SEMA3E: variants seen among roughly 807,000 people sequenced by gnomAD.
The protein encoded by SEMA3E is semaphorin 3E.
In SEMA3E, 49 loss-of-function variants were observed where a neutral mutation model predicts 93.6. The ratio of observed to expected loss-of-function variants is 0.52; its 90% confidence interval spans 0.42 to 0.66. The LOEUF (loss-of-function observed/expected upper bound fraction) is 0.66, where lower values mean the gene tolerates loss of function less well. Ranked by LOEUF, SEMA3E falls within the 30% of genes least tolerant of loss-of-function variation. SEMA3E has a pLI of 0.00. For missense variants in SEMA3E, 906 were observed against 964.8 expected, an observed-to-expected ratio of 0.94 and a Z score of 0.81; for synonymous variants, 363 against 330.7, an observed-to-expected ratio of 1.10 and a Z score of -1.06.
intron 6 of SEMA3E, among the ~76,000 whole-genome samples, chr7:83,407,846 G>A (rs2115652204): frequency 6.6e-6 from 1 of 152,188 alleles, no homozygotes; most frequent in Non-Finnish European, 1.5e-5. Flanking sequence ...AATGTGGAAA[G>A]TAATTAAAAT....
At chr7:83,563,323 A>G (rs1045598896) in intron 1 of SEMA3E, among the ~76,000 whole-genome samples, 1 of 152,236 alleles carries the variant, frequency 6.6e-6, no homozygotes, top group East Asian at 1.9e-4. Flanking sequence ...TCAACAAAAT[A>G]CATTTCTCTG....
intron 1 of SEMA3E, among the ~76,000 whole-genome samples, chr7:83,629,202 G>T (rs1010445404): frequency 6.6e-6 from 1 of 152,190 alleles, no homozygotes; most frequent in Admixed American, 6.5e-5. Flanking sequence ...AGGGGCACCT[G>T]CCAGTTGCTA....
chr7:83,393,410 C>T (rs1788058337), intron 13 of SEMA3E, among the ~76,000 whole-genome samples: 1 of 152,076 alleles, frequency 6.6e-6, no homozygotes, highest in Non-Finnish European at 1.5e-5. Flanking sequence ...TGCCTGTGGT[C>T]TCAGCTACTC....
At chr7:83,499,937 C>T (rs921875993) in intron 1 of SEMA3E, among the ~76,000 whole-genome samples, 2 of 152,290 alleles carry the variant, frequency 1.3e-5, no homozygotes, top group Non-Finnish European at 1.5e-5. Context: ...GTCCTATGCA[C>T]TCCTATTCAA....
At chr7:83,599,215 C>T (rs1479127895) in intron 1 of SEMA3E, among the ~76,000 whole-genome samples, 1 of 152,126 alleles carries the variant, frequency 6.6e-6, no homozygotes, top group Non-Finnish European at 1.5e-5. Flanking sequence ...TTAATACTTT[C>T]CATTTCTAAC....
rs550866982 is a variant in SEMA3E, at chr7:83,521,714, G to C, written c.116-31440C>G. On this transcript the variant is annotated intron_variant, in intron 1 of 16. Transcript: ENST00000643230. ...GCTGTCTTCTGGTGTTGTCCTCATG[G>C]GGAACAGAGAAAGTGTCTGGTGTTG... 2.6e-5 allele frequency among the ~76,000 whole-genome samples: 4 copies of C among 152,008 alleles called. 1 individual carries two copies. In the East Asian group the frequency reaches 5.8e-4, roughly 22 times the overall value.
At chr7:83,372,146 A>C in intron 16 of SEMA3E, 1 of 396,394 alleles carries the variant, frequency 2.5e-6, no homozygotes, top group South Asian at 1.3e-4. Context: ...ATATCCATAC[A>C]GACATATCCA....
At chr7:83,371,905 T>G (rs1175142575) in intron 16 of SEMA3E, 2 of 178,396 alleles carry the variant, frequency 1.1e-5, no homozygotes, top group African/African-American at 4.7e-5. Context: ...TGCTTCTTTT[T>G]GTAACACAAT....
At chr7:83,481,725 C>T (rs1417072200) in intron 2 of SEMA3E, among the ~76,000 whole-genome samples, 1 of 152,074 alleles carries the variant, frequency 6.6e-6, no homozygotes, top group Non-Finnish European at 1.5e-5. Context: ...CTGGGAAATG[C>T]AGTGAGTTAA....
chr7:83,481,749 C>A (rs1790150129), intron 2 of SEMA3E, among the ~76,000 whole-genome samples: 1 of 152,060 alleles, frequency 6.6e-6, no homozygotes. Context: ...ATTTAGAAAG[C>A]AAAGCCATTA....
At chr7:83,507,741 C>T (rs7781032) in intron 1 of SEMA3E, among the ~76,000 whole-genome samples, 10,716 of 151,432 alleles carry the variant, frequency 0.071, 1,275 homozygotes, top group African/African-American at 0.24. Flanking sequence ...AGTTCCAGAC[C>T]AGCTTGGGCA....
intron 4 of SEMA3E, among the ~76,000 whole-genome samples, chr7:83,422,091 C>T (rs1788678362): frequency 6.6e-6 from 1 of 152,150 alleles, no homozygotes; most frequent in Non-Finnish European, 1.5e-5. Flanking sequence ...ACAGGAGAAT[C>T]GCTTGAACCT....
At chr7:83,396,457 T>C (rs1469773590) in intron 12 of SEMA3E, among the ~76,000 whole-genome samples, 181 bp downstream of exon 12, 1 of 152,122 alleles carries the variant, frequency 6.6e-6, no homozygotes, top group African/African-American at 2.4e-5. Flanking sequence ...GATCTCTCAG[T>C]TGAAACGTCT....
intron 1 of SEMA3E, among the ~76,000 whole-genome samples, chr7:83,502,641 G>T (rs1274089619): frequency 6.6e-6 from 1 of 152,128 alleles, no homozygotes; most frequent in Non-Finnish European, 1.5e-5. Flanking sequence ...TTCCAACCAG[G>T]CATTCTAAGT....
chr7:83,487,107 C>T (rs1790273532), intron 2 of SEMA3E, among the ~76,000 whole-genome samples: 2 of 152,020 alleles, frequency 1.3e-5, no homozygotes, highest in Admixed American at 1.3e-4. Flanking sequence ...GCCCAGCTTC[C>T]TAGTTTTAAA....
chr7:83,576,164 C>T (rs1232701335), intron 1 of SEMA3E, among the ~76,000 whole-genome samples: 11 of 152,106 alleles, frequency 7.2e-5, no homozygotes, highest in Admixed American at 2.6e-4. Flanking sequence ...TTCTCATAGC[C>T]GGCATCTTGT....
intron 4 of SEMA3E, among the ~76,000 whole-genome samples, chr7:83,458,755 CA>C (rs1018389311): frequency 1.3e-5 from 2 of 149,530 alleles, no homozygotes; most frequent in African/African-American, 4.9e-5. Context: ...AGAATTTTTC[CA>C]ATCTGAAAAG....
At chr7:83,588,744 C>T (rs1792686612) in intron 1 of SEMA3E, among the ~76,000 whole-genome samples, 1 of 152,088 alleles carries the variant, frequency 6.6e-6, no homozygotes, top group Admixed American at 6.6e-5. Context: ...TACCTTGAAT[C>T]ACAGTAGCAT....
intron 1 of SEMA3E, among the ~76,000 whole-genome samples, chr7:83,552,221 G>A (rs747738100): frequency 5.3e-5 from 8 of 152,126 alleles, no homozygotes; most frequent in African/African-American, 1.7e-4. Flanking sequence ...CTGGAGCCAC[G>A]GCAGAGGAAC....
Sources: allele counts gnomAD v4.1 joint callset (sites outside exome capture counted in the v4.1 genomes callset), GRCh38; gene constraint gnomAD v4.1.1; transcripts MANE v1.5; gene names NCBI Gene and HGNC (gene_info 2026-07-23, HGNC 2026-07-21).